The following COPB1 variants were observed in gnomAD, a reference collection of about 807,000 sequenced individuals.
COPB1 encodes the protein coat protein complex I subunit beta 1.
Under a neutral mutation model 108.7 loss-of-function variants are expected in COPB1, and 21 were observed. The observed-to-expected ratio is 0.19, with a 90% CI of 0.14 to 0.28. The LOEUF (loss-of-function observed/expected upper bound fraction) is 0.28. COPB1 is among the 10% of genes least tolerant of loss of function. The pLI is 1.00. For missense variants in COPB1, 919 were observed against 1,141.3 expected (o/e 0.81, Z 2.81); for synonymous variants, 378 against 386.8 (o/e 0.98, Z 0.27).
chr11:14,469,121 A>C (rs974390090), intron 15 of COPB1, among the ~76,000 whole-genome samples: 2 of 152,070 alleles, frequency 1.3e-5, no homozygotes, highest in Non-Finnish European at 2.9e-5. Flanking sequence ...CAGCCTTCCA[A>C]GTAGCTGGAA....
chr11:14,477,971 A>C (rs1295911029), intron 11 of COPB1, among the ~76,000 whole-genome samples: 1 of 151,178 alleles, frequency 6.6e-6, no homozygotes, highest in Non-Finnish European at 1.5e-5. Context: ...GCGCCACTGC[A>C]CTCCAGCCTG....
chr11:14,485,430 A>G (rs899065460), intron 7 of COPB1, among the ~76,000 whole-genome samples: 1 of 152,174 alleles, frequency 6.6e-6, no homozygotes, highest in Non-Finnish European at 1.5e-5. Context: ...GCCTCCCAAA[A>G]TGCTGGGATT....
At chr11:14,471,526 A>G (rs1481091507) in intron 14 of COPB1, among the ~76,000 whole-genome samples, 2 of 152,236 alleles carry the variant, frequency 1.3e-5, no homozygotes, top group Non-Finnish European at 2.9e-5. Flanking sequence ...TACAAAATAA[A>G]TTATTGCTCA....
At chr11:14,478,894 A>C (rs1487102753) in intron 11 of COPB1, 1 of 144,118 alleles carries the variant, frequency 6.9e-6, no homozygotes, top group Non-Finnish European at 1.5e-5. Context: ...CAAATTCTTA[A>C]TGTCATAGCT....
chr11:14,491,889 T>C (rs1274628781), intron 4 of COPB1, among the ~76,000 whole-genome samples: 4 of 152,240 alleles, frequency 2.6e-5, no homozygotes, highest in African/African-American at 9.6e-5. Context: ...CCCTTGAATT[T>C]TATTAGTTGT....
intron 3 of COPB1, 60 bp from the exon 4 acceptor site, chr11:14,493,871 T>C (rs906990295): frequency 1.5e-6 from 2 of 1,362,432 alleles, no homozygotes; most frequent in Non-Finnish European, 2.0e-6. Flanking sequence ...AAGAAAATTT[T>C]AATGCAAAAC....
At chr11:14,484,365 G>A (rs1226233838) in intron 7 of COPB1, among the ~76,000 whole-genome samples, 1 of 152,178 alleles carries the variant, frequency 6.6e-6, no homozygotes, top group Non-Finnish European at 1.5e-5. Flanking sequence ...TTGTAGTTTT[G>A]ACAATTATAT....
At chr11:14,495,295 A>G (rs1005606910) in intron 2 of COPB1, among the ~76,000 whole-genome samples, 3 of 152,216 alleles carry the variant, frequency 2.0e-5, no homozygotes, top group Non-Finnish European at 4.4e-5. Context: ...AAATAAATGA[A>G]TTATCTTGGG....
Position 14,468,728 on chromosome 11 carries a change from T to C in COPB1, c.2098A>G (p.Thr700Ala). ...QLSLLAAMGN[T>A]QRKEAADPLA... Reference sequence around the variant, plus strand: ...GGATCTGCTGCCTCTTTCCTCTGTGTGTTACCCATTGCTGCCAGTAAACTC... The same window carrying C: ...GGATCTGCTGCCTCTTTCCTCTGTGCGTTACCCATTGCTGCCAGTAAACTC... The change falls in exon 16 of 22, where the codon ACA (threonine) becomes GCA (alanine). Residue 700 changes from threonine (T) to alanine (A), a missense_variant. This residue lies in a region of COPB1 where 705 missense variants were observed against 817.8 expected (regional missense o/e 0.86). Transcript: ENST00000439561. The C allele has an allele frequency of 1.2e-6, 2 of 1,614,216 alleles. No individual in the cohort carries two copies. The highest frequency in any genetic ancestry group is 1.7e-6 in the Non-Finnish European group (2 of 1,180,040).
At chr11:14,494,591 C>T in intron 2 of COPB1, 152 bp from the exon 3 acceptor site, 2 of 571,148 alleles carry the variant, frequency 3.5e-6, no homozygotes, top group Non-Finnish European at 6.2e-6. Context: ...CAAGGTTCTC[C>T]ACCTGGTTCT....
At chr11:14,480,942 C>T (rs758190671) in intron 9 of COPB1, 37 bp from the exon 10 acceptor site, 46 of 1,613,120 alleles carry the variant, frequency 2.9e-5, no homozygotes, top group Non-Finnish European at 3.6e-5. Flanking sequence ...AGAGTTACAT[C>T]ATATTTGGGC....
intron 6 of COPB1, 73 bp downstream of exon 6, chr11:14,488,419 C>T: frequency 1.3e-6 from 1 of 775,710 alleles, no homozygotes; most frequent in Non-Finnish European, 2.0e-6. Context: ...CAATAATTAT[C>T]CCAGAAAGAA....
chr11:14,497,721 T>G (rs1851055116), intron 2 of COPB1, among the ~76,000 whole-genome samples: 2 of 152,098 alleles, frequency 1.3e-5, no homozygotes, highest in South Asian at 4.1e-4. Context: ...AATGAGTACA[T>G]CAAAGAGATA....
Position 14,469,520 on chromosome 11 carries a change from T to G in COPB1, c.1781A>C (p.His594Pro), listed in dbSNP as rs778051137. The change falls in exon 15 of 22, where the codon CAT (histidine) becomes CCT (proline). Residue 594 changes from histidine to proline, a missense_variant. This residue lies in a region of COPB1 where 705 missense variants were observed against 817.8 expected (regional missense o/e 0.86). Coordinates refer to ENST00000439561, the MANE Select transcript of COPB1 (RefSeq NM_001144061.2). ...EAMLLMATIL[H>P]LGKSSLPKKP... Reference sequence around the variant, plus strand: ...CTTAGGAAGAGAGGATTTTCCCAAATGCAGGATAGTAGCCATGAGCAACAT... The same window carrying G: ...CTTAGGAAGAGAGGATTTTCCCAAAGGCAGGATAGTAGCCATGAGCAACAT... 3 of 1,614,156 alleles carry G rather than the reference T, an allele frequency of 1.9e-6. No individual in the cohort carries two copies. The highest frequency in any genetic ancestry group is 2.5e-6 in the Non-Finnish European group (3 of 1,180,030).
rs370872177 is a variant in COPB1 at position 14,480,747 on chromosome 11, A to G, written c.1212+12T>C. On this transcript the variant is annotated intron_variant, in intron 10 of 21. Coordinates refer to ENST00000439561, the MANE Select transcript of COPB1 (RefSeq NM_001144061.2). ...AGATAATTTCAAAATTAAAGTCATCAGAATTACATACCACAGGAATAACAT... is the reference window on the plus strand; with the variant it reads ...AGATAATTTCAAAATTAAAGTCATCGGAATTACATACCACAGGAATAACAT... 8.2e-6 allele frequency: 13 copies of G among 1,592,528 alleles called. No individual in the cohort carries two copies. Among genetic ancestry groups the G allele is most frequent in the Non-Finnish European group, 9.4e-6 (11 of 1,174,238 alleles).
chr11:14,484,868 C>T (rs1268970007), intron 7 of COPB1, among the ~76,000 whole-genome samples: 7 of 152,076 alleles, frequency 4.6e-5, no homozygotes, highest in Non-Finnish European at 2.9e-5. Context: ...AACAATTTGG[C>T]TTTTAGAACA....
chr11:14,479,875 C>T (rs952306288), intron 10 of COPB1, among the ~76,000 whole-genome samples, 161 bp from the exon 11 acceptor site: 44 of 152,276 alleles, frequency 2.9e-4, no homozygotes, highest in African/African-American at 1.0e-3. Flanking sequence ...ACAATCATAG[C>T]TCACTGCAGC....
chr11:14,468,278 T>C (rs983160249), intron 16 of COPB1, among the ~76,000 whole-genome samples: 2 of 152,170 alleles, frequency 1.3e-5, no homozygotes, highest in Non-Finnish European at 2.9e-5. Context: ...AAATTCTATA[T>C]GGAACTCGAT....
chr11:14,475,496 A>G (rs1311922255), intron 13 of COPB1, among the ~76,000 whole-genome samples: 1 of 152,156 alleles, frequency 6.6e-6, no homozygotes, highest in Non-Finnish European at 1.5e-5. Context: ...AAACAACAAA[A>G]CTCAAATATC....
Sources: gnomAD v4.1 joint callset for allele counts (sites outside exome capture counted in the v4.1 genomes callset) on GRCh38, gnomAD v4.1.1 for gene constraint, gnomAD v4.1.1 regional missense constraint, MANE v1.5 for transcripts, NCBI Gene and HGNC (gene_info 2026-07-23, HGNC 2026-07-21) for gene names.